DRC7: variants seen among roughly 807,000 people sequenced by gnomAD.
DRC7 encodes the protein coiled-coil domain containing 135.
DRC7 carries 80 observed loss-of-function variants against 104.4 expected under a neutral mutation model. The observed-to-expected ratio is 0.77, with a 90% CI of 0.64 to 0.92. DRC7 has a LOEUF of 0.92. Among genes scored for constraint, DRC7 ranks in the 40% least tolerant of loss-of-function variants. The pLI, the probability that DRC7 is intolerant of heterozygous loss-of-function variation, is 0.00. For synonymous variants in DRC7, 405 were observed against 447.3 expected, an observed-to-expected ratio of 0.91 and a Z score of 1.19; for missense variants, 1,034 against 1,141.1, an observed-to-expected ratio of 0.91 and a Z score of 1.35.
chr16:57,707,195 C>G (rs1361161648), intron 7 of DRC7, among the ~76,000 whole-genome samples: 1 of 152,202 alleles, frequency 6.6e-6, no homozygotes, highest in African/African-American at 2.4e-5. Context: ...ACATATAAAG[C>G]CGGTAACCCC....
Position 57,727,283 on chromosome 16 carries a change from A to G in DRC7, c.2086-16A>G, listed in dbSNP as rs766773650. The G allele has an allele frequency of 4.4e-6, 7 of 1,606,006 alleles. No homozygotes were observed. The highest frequency in any genetic ancestry group is 1.7e-5 in the Admixed American group (1 of 59,958). ...AGGGGTGTCTCCATCACGCCCTCCA[A>G]CACTTCTCATTTCAGGTGCTGGAGA... On this transcript the variant is annotated splice_polypyrimidine_tract_variant and intron_variant, in intron 15 of 18. Coordinates refer to ENST00000360716, the MANE Select transcript of DRC7 (RefSeq NM_001289162.2).
intron 8 of DRC7, among the ~76,000 whole-genome samples, chr16:57,708,607 G>C (rs1389213843): frequency 2.0e-4 from 31 of 152,046 alleles, no homozygotes; most frequent in Non-Finnish European, 1.5e-5. Context: ...CATTTCTGTT[G>C]GGTAACTACT....
Position 57,726,105 on chromosome 16 carries a change from C to G in DRC7, c.1796C>G (p.Pro599Arg), listed in dbSNP as rs756380762. The G allele has an allele frequency of 1.7e-5, 28 of 1,613,246 alleles. No individual in the cohort carries two copies. In the Admixed American group the frequency reaches 4.5e-4, roughly 26 times the overall value. Residue 599 changes from proline to arginine, a missense_variant, in exon 14 of 19, where the codon CCC becomes CGC. Pro to Arg is a moderately radical substitution (Grantham distance 103, BLOSUM62 -2). Transcript: ENST00000360716. Reference sequence around the variant, plus strand: ...CGGTTCTTCCGCAACCCAGCGAAGCCCGCGGAGGAGGACGTGGCAGAGCGC... The same window carrying G: ...CGGTTCTTCCGCAACCCAGCGAAGCGCGCGGAGGAGGACGTGGCAGAGCGC... Reference protein sequence around the residue: ...TERFFRNPAKPAEEDVAERVF... With the variant: ...TERFFRNPAKRAEEDVAERVF...
chr16:57,727,830 C>T lies in DRC7; in HGVS notation c.2196+421C>T, dbSNP rs116005588. Among the ~76,000 whole-genome samples the T allele has an allele frequency of 6.5e-3, 994 of 152,306 alleles. 11 individuals carry two copies. Among genetic ancestry groups the T allele is most frequent in the African/African-American group, 0.023 (967 of 41,556 alleles). The stretch of plus-strand genomic sequence containing the variant: ...CAAGGCCCCGCCTGGTTTTCAGGGC[C>T]GGCTTCTGAATCCCTTTCACCAACC... On this transcript the variant is annotated intron_variant, in intron 16 of 18. Coordinates refer to ENST00000360716, the MANE Select transcript of DRC7 (RefSeq NM_001289162.2).
Position 57,731,372 on chromosome 16 carries a change from C to T in DRC7, c.*114C>T. 1 of 736,412 alleles carries T rather than the reference C, an allele frequency of 1.4e-6. No individual in the cohort carries two copies. The allele number at this position is 736,412 out of a possible 1,614,324, so 45.6% of individuals were successfully genotyped here. ...GCCTGTTTACACAGACACCTGGCCT[C>T]ACTGCCAGCCCACCTCCCCTACAGC... On this transcript the variant is annotated 3_prime_UTR_variant, in exon 19 of 19. Coordinates refer to ENST00000360716, the MANE Select transcript of DRC7 (RefSeq NM_001289162.2).
chr16:57,702,032 G>A lies in DRC7; in HGVS notation c.601G>A (p.Gly201Ser). ...TLLCSMLIGS[G>S]YDAYCVNGYG... ...GCTCTGCTCCATGCTTATCGGCTCT[G>A]GCTATGATGCTTACTGCGTCAACGG... Residue 201 changes from glycine to serine, a missense_variant, in exon 6 of 19, where the codon GGC becomes AGC. Physicochemically the swap from Gly to Ser is moderately conservative, Grantham distance 56 (BLOSUM62 0). Transcript: ENST00000360716. 6.2e-7 allele frequency: 1 copy of A among 1,614,200 alleles called. No homozygotes were observed. The highest frequency in any genetic ancestry group is 1.6e-4 in the Middle Eastern group (1 of 6,062).
chr16:57,727,131 C>CTTGTTT (rs768210840), intron 15 of DRC7, 168 bp from the exon 16 acceptor site: 25 of 669,124 alleles, frequency 3.7e-5, no homozygotes, highest in Non-Finnish European at 5.2e-5. Context: ...TGGCTAATTT[C>CTTGTTT]TTGTTTTTGT....
intron 9 of DRC7, among the ~76,000 whole-genome samples, chr16:57,720,098 C>A (rs1421541736): frequency 6.6e-6 from 1 of 152,190 alleles, no homozygotes; most frequent in Non-Finnish European, 1.5e-5. Flanking sequence ...CCTGAAGTAA[C>A]TCATTTAAAT....
intron 5 of DRC7, 149 bp downstream of exon 5, chr16:57,700,419 C>G: frequency 1.0e-6 from 1 of 991,012 alleles, no homozygotes. Context: ...GAGGCCAAGG[C>G]GGGCAGATCA....
chr16:57,700,640 T>G (rs1335468146), intron 5 of DRC7, among the ~76,000 whole-genome samples: 12 of 99,116 alleles, frequency 1.2e-4, no homozygotes, highest in South Asian at 3.5e-4. Flanking sequence ...AGAGCAAAAC[T>G]CTCAAAAAAC....
rs78305330 is a variant in DRC7 at position 57,699,085 on chromosome 16, G to A, written c.378+61G>A. The A allele has an allele frequency of 0.014, 21,286 of 1,568,198 alleles. 1,757 individuals carry two copies. In the Admixed American group the frequency reaches 0.18, roughly 13 times the overall value. On this transcript the variant is annotated intron_variant, in intron 4 of 18. Transcript: ENST00000360716. Reference sequence around the variant, plus strand: ...CTGGGGCTGGAGAGCAGAGGGCACAGGGAAGTGGGGCAGGTTCTCCAAGGT... The same window carrying A: ...CTGGGGCTGGAGAGCAGAGGGCACAAGGAAGTGGGGCAGGTTCTCCAAGGT...
At chr16:57,716,228 C>T (rs1228797598) in intron 8 of DRC7, among the ~76,000 whole-genome samples, 1 of 152,156 alleles carries the variant, frequency 6.6e-6, no homozygotes. Flanking sequence ...GTTGGCCGGG[C>T]ACAGTGGCTC....
In DRC7 at chr16:57,699,944, G is replaced by A. The variant is rs187838527; in HGVS notation, c.379-201G>A. On this transcript the variant is annotated intron_variant, in intron 4 of 18. Transcript: ENST00000360716. ...AGGGCCTCCCAGTCATTGCCACTGC[G>A]CCACTGATGGCTGCCATGTGCCAGA... Among the ~76,000 whole-genome samples the A allele has an allele frequency of 2.0e-5, 3 of 152,276 alleles. No homozygotes were observed. The East Asian group carries it at 5.8e-4, about 29-fold the overall frequency.
chr16:57,701,812 A>G, intron 5 of DRC7, 124 bp from the exon 6 acceptor site: 1 of 770,778 alleles, frequency 1.3e-6, no homozygotes, highest in Non-Finnish European at 2.1e-6. Flanking sequence ...TAGGGGCCCA[A>G]AGCAGGTCCA....
chr16:57,698,059 T>C lies in DRC7; in HGVS notation c.110T>C (p.Val37Ala). Residue 37 changes from valine (V) to alanine (A), a missense_variant, in exon 3 of 19, where the codon GTG becomes GCG. Coordinates refer to ENST00000360716, the MANE Select transcript of DRC7 (RefSeq NM_001289162.2). ...GAGAAAATGATGAGGCCAGTTGAGG[T>C]GCGGAAGGAGGAAATCACCTTAAAG... Reference protein sequence around the residue: ...RMEKMMRPVEVRKEEITLKQE... With the variant: ...RMEKMMRPVEARKEEITLKQE... The C allele has an allele frequency of 6.2e-7, 1 of 1,613,648 alleles. No homozygotes were observed.
At chr16:57,705,519 T>TCCATCCTCCCATCCAC (rs1567874990) in intron 7 of DRC7, among the ~76,000 whole-genome samples, 1 of 143,516 alleles carries the variant, frequency 7.0e-6, no homozygotes, top group African/African-American at 2.6e-5. Flanking sequence ...CTTCCATCCA[T>TCCATCCTCCCATCCAC]CCATCCTCCC....
At chr16:57,717,401 T>TAA (rs56358409) in intron 8 of DRC7, among the ~76,000 whole-genome samples, 20,656 of 132,566 alleles carry the variant, frequency 0.16, 2,039 homozygotes, top group African/African-American at 0.27. Flanking sequence ...TGCACTGGCT[T>TAA]AAAAAAAAAA....
chr16:57,716,959 C>A lies in DRC7; in HGVS notation c.1078-1388C>A, dbSNP rs574872176. Among the ~76,000 whole-genome samples the A allele has an allele frequency of 1.8e-4, 28 of 152,014 alleles. 1 individual carries two copies. Among genetic ancestry groups the A allele is most frequent in the African/African-American group, 6.8e-4 (28 of 41,480 alleles). The stretch of plus-strand genomic sequence containing the variant: ...GTGAAAAGAGGTCAGGAGTTTGAGA[C>A]CAGCCTGACCAACATGGTGAAACCC... On this transcript the variant is annotated intron_variant, in intron 8 of 18. Transcript: ENST00000360716.
chr16:57,725,416 C>A (rs1423807516), intron 13 of DRC7: 2 of 155,574 alleles, frequency 1.3e-5, no homozygotes, highest in African/African-American at 4.8e-5. Flanking sequence ...CCAAATGCGC[C>A]ATCCTGGGGT....
Sources: allele counts gnomAD v4.1 joint callset (sites outside exome capture counted in the v4.1 genomes callset), GRCh38; gene constraint gnomAD v4.1.1; transcripts MANE v1.5; gene names NCBI Gene and HGNC (gene_info 2026-07-23, HGNC 2026-07-21).